Variants in ADAM23 observed in about 807,000 individuals in gnomAD.
The protein encoded by ADAM23 is ADAM metallopeptidase domain 23.
In ADAM23, 33 loss-of-function variants were observed where a neutral mutation model predicts 120.1. The observed-to-expected ratio is 0.27, with a 90% confidence interval of 0.21 to 0.37. The LOEUF is 0.37. Among genes scored for constraint, ADAM23 ranks in the 10% least tolerant of loss-of-function variants. The pLI is 1.00. For synonymous variants in ADAM23, 367 were observed against 375.2 expected, an observed-to-expected ratio of 0.98 and a Z score of 0.25; for missense variants, 862 against 1,058.2, an observed-to-expected ratio of 0.81 and a Z score of 2.57.
intron 6 of ADAM23, among the ~76,000 whole-genome samples, chr2:206,546,833 C>G (rs907715930): frequency 4.6e-5 from 7 of 152,082 alleles, no homozygotes; most frequent in Non-Finnish European, 8.8e-5. Context: ...ATACTATGCA[C>G]TCAGTAATGG....
At chr2:206,548,767 G>C (rs1697452174) in intron 8 of ADAM23, among the ~76,000 whole-genome samples, 4 of 152,032 alleles carry the variant, frequency 2.6e-5, no homozygotes, top group Admixed American at 2.6e-4. Flanking sequence ...TGAAATGTTG[G>C]CTAATCATAC....
rs75923380 is a variant in ADAM23, at chr2:206,608,821, G to C, written c.2360-1089G>C. 3.3e-4 allele frequency among the ~76,000 whole-genome samples: 51 copies of C among 152,274 alleles called. No homozygotes were observed. The East Asian group carries it at 9.5e-3, about 28-fold the overall frequency. On this transcript the variant is annotated intron_variant, in intron 24 of 25. Transcript: ENST00000264377. Reference sequence around the variant, plus strand: ...TACACAGTTGAGGGCACTGATGTGAGCAGAAAAGAGAATTTTTTACACAGA... The same window carrying C: ...TACACAGTTGAGGGCACTGATGTGACCAGAAAAGAGAATTTTTTACACAGA...
rs1698971139 is a variant in ADAM23 at position 206,618,162 on chromosome 2, T to G, written c.*535T>G. On this transcript the variant is annotated 3_prime_UTR_variant, in exon 26 of 26. Coordinates refer to ENST00000264377, the MANE Select transcript of ADAM23 (RefSeq NM_003812.4). ...AAAACCTGCAACAGAATTCCTAAAG[T>G]GAAGATGACAGATGAACACAAAGAA... The G allele has an allele frequency of 6.6e-6, 1 of 152,576 alleles. No individual in the cohort carries two copies. The highest frequency in any genetic ancestry group is 1.5e-5 in the Non-Finnish European group (1 of 68,286). 9.5% of individuals were successfully genotyped at this position (152,576 alleles called of 1,614,324 possible).
At chr2:206,534,595 G>A (rs1169344834) in intron 4 of ADAM23, among the ~76,000 whole-genome samples, 2 of 151,794 alleles carry the variant, frequency 1.3e-5, no homozygotes, top group African/African-American at 4.8e-5. Context: ...TTAATTTTTA[G>A]CATTTCAGTT....
At chr2:206,498,348 A>G (rs1251701016) in intron 3 of ADAM23, among the ~76,000 whole-genome samples, 6 of 152,192 alleles carry the variant, frequency 3.9e-5, no homozygotes, top group African/African-American at 2.4e-5. Context: ...ATAATGCCGC[A>G]TATCTACAAC....
intron 15 of ADAM23, among the ~76,000 whole-genome samples, chr2:206,568,311 A>G (rs573417473): frequency 6.6e-6 from 1 of 152,342 alleles, no homozygotes; most frequent in East Asian, 1.9e-4. Flanking sequence ...ATAGTGTCAC[A>G]ATCCCTTATT....
At position 206,607,593 on chromosome 2, in the gene ADAM23, A is replaced by G. The variant is rs537678535; in HGVS notation, c.2360-2317A>G. On this transcript the variant is annotated intron_variant, in intron 24 of 25. Coordinates refer to ENST00000264377, the MANE Select transcript of ADAM23 (RefSeq NM_003812.4). Reference sequence around the variant, plus strand: ...TTGTTATCAGCATTTGTTTTCATCAATCATTTCCAGTTTTGTTCGTTTGTG... The same window carrying G: ...TTGTTATCAGCATTTGTTTTCATCAGTCATTTCCAGTTTTGTTCGTTTGTG... 2.4e-3 allele frequency among the ~76,000 whole-genome samples: 363 copies of G among 152,250 alleles called. 1 individual carries two copies. The highest frequency in any genetic ancestry group is 8.3e-3 in the African/African-American group (343 of 41,556).
rs115010805 is a variant in ADAM23 at position 206,472,457 on chromosome 2, A to G, written c.433-8775A>G. 3.9e-3 allele frequency among the ~76,000 whole-genome samples: 594 copies of G among 151,990 alleles called. 6 individuals are homozygous for G. Among genetic ancestry groups the G allele is most frequent in the African/African-American group, 0.013 (553 of 41,450 alleles). On this transcript the variant is annotated intron_variant, in intron 2 of 25. Transcript: ENST00000264377. Reference sequence around the variant, plus strand: ...AAACCCTGTCTTTACTAAAAAAAAAACAAAAATTAGCTGGGTGTATTGGCG... The same window carrying G: ...AAACCCTGTCTTTACTAAAAAAAAAGCAAAAATTAGCTGGGTGTATTGGCG...
intron 9 of ADAM23, among the ~76,000 whole-genome samples, chr2:206,550,481 C>T (rs1222969664): frequency 6.6e-6 from 1 of 151,930 alleles, no homozygotes; most frequent in Non-Finnish European, 1.5e-5. Context: ...GTGCTTTTGT[C>T]CTGCTAATAT....
chr2:206,485,830 A>T (rs986481578), intron 3 of ADAM23, among the ~76,000 whole-genome samples: 1 of 152,182 alleles, frequency 6.6e-6, no homozygotes, highest in Non-Finnish European at 1.5e-5. Context: ...GGTGTCCAGC[A>T]TGATTTAGAT....
At chr2:206,511,340 TC>T (rs1367349809) in intron 3 of ADAM23, among the ~76,000 whole-genome samples, 1 of 152,200 alleles carries the variant, frequency 6.6e-6, no homozygotes, top group Non-Finnish European at 1.5e-5. Flanking sequence ...TTTGCTACTT[TC>T]CTTCTTTCTT....
At chr2:206,598,641 G>C (rs1372906353) in intron 24 of ADAM23, among the ~76,000 whole-genome samples, 3 of 152,332 alleles carry the variant, frequency 2.0e-5, no homozygotes, top group African/African-American at 7.2e-5. Flanking sequence ...GTTCGCGCCT[G>C]TAATCCCAAG....
At position 206,443,725 on chromosome 2, in the gene ADAM23, C is replaced by G. The variant is rs982203851; in HGVS notation, c.-142C>G. ...CGCCGCCCAGCCCCGAGCCCCGCGC[C>G]CCGTGCCCCGAGCCCGGAGCCCCCT... On this transcript the variant is annotated 5_prime_UTR_variant, in exon 1 of 26. Coordinates refer to ENST00000264377, the MANE Select transcript of ADAM23 (RefSeq NM_003812.4). 2 of 248,980 alleles carry G rather than the reference C, an allele frequency of 8.0e-6. No individual in the cohort carries two copies. The highest frequency in any genetic ancestry group is 4.7e-5 in the African/African-American group (2 of 42,800). The allele number at this position is 248,980 out of a possible 1,614,324, so 15.4% of individuals were successfully genotyped here.
intron 22 of ADAM23, among the ~76,000 whole-genome samples, 154 bp from the exon 23 acceptor site, chr2:206,594,583 T>C (rs1698485059): frequency 6.6e-6 from 1 of 151,860 alleles, no homozygotes; most frequent in Non-Finnish European, 1.5e-5. Context: ...TAAGGAAAGG[T>C]AGGGAAAGGG....
chr2:206,481,176 T>C (rs983420799), intron 2 of ADAM23, 56 bp from the exon 3 acceptor site: 2 of 1,325,442 alleles, frequency 1.5e-6, no homozygotes, highest in Admixed American at 2.2e-5. Flanking sequence ...TTGATAATAA[T>C]CTGTCTTAAA....
rs148781729 is a variant in ADAM23, at chr2:206,559,660, T to C, written c.1006-295T>C. ...AAAGGGTGATTTTACTGAACGATGT[T>C]TTAAATTTATGCCCTGGCTTTGGAA... On this transcript the variant is annotated intron_variant, in intron 10 of 25. Coordinates refer to ENST00000264377, the MANE Select transcript of ADAM23 (RefSeq NM_003812.4). 2.8e-4 allele frequency among the ~76,000 whole-genome samples: 43 copies of C among 152,288 alleles called. No homozygotes were observed. The East Asian group carries it at 8.3e-3, about 29-fold the overall frequency.
chr2:206,552,981 A>C (rs1697563762), intron 9 of ADAM23, among the ~76,000 whole-genome samples: 1 of 152,078 alleles, frequency 6.6e-6, no homozygotes, highest in Non-Finnish European at 1.5e-5. Flanking sequence ...TATTACTATT[A>C]TTAAAATGGG....
chr2:206,445,240 G>A, intron 1 of ADAM23, 67 bp from the exon 2 acceptor site: 1 of 1,112,194 alleles, frequency 9.0e-7, no homozygotes, highest in South Asian at 1.4e-5. Flanking sequence ...ATGTATTTAT[G>A]GGGTAAATAT....
chr2:206,610,947 C>G (rs1458283613), intron 25 of ADAM23, among the ~76,000 whole-genome samples: 1 of 152,206 alleles, frequency 6.6e-6, no homozygotes, highest in African/African-American at 2.4e-5. Flanking sequence ...TCAAAACCCA[C>G]TTTGCCTGCA....
Sources: gnomAD v4.1 joint callset for allele counts (sites outside exome capture counted in the v4.1 genomes callset) on GRCh38, gnomAD v4.1.1 for gene constraint, MANE v1.5 for transcripts, NCBI Gene and HGNC (gene_info 2026-07-23, HGNC 2026-07-21) for gene names.